Variants in NOVA1 observed in about 807,000 individuals in gnomAD.
NOVA1 encodes the protein RNA-binding protein Nova-1.
NOVA1 carries 7 observed loss-of-function variants against 38.0 expected under a neutral mutation model. The observed-to-expected ratio is 0.18, with a 90% confidence interval of 0.10 to 0.35. The LOEUF (loss-of-function observed/expected upper bound fraction) is 0.35, where lower values mean the gene tolerates loss of function less well. Ranked by LOEUF, NOVA1 falls within the 10% of genes least tolerant of loss-of-function variation. The probability of loss-of-function intolerance (pLI) is 1.00; values close to 1 mark genes in which losing one functional copy is unlikely to be tolerated. For synonymous variants in NOVA1, 270 were observed against 232.5 expected, an observed-to-expected ratio of 1.16 and a Z score of -1.47; for missense variants, 460 against 616.0, an observed-to-expected ratio of 0.75 and a Z score of 2.68.
chr14:26,587,480 T>A (rs60932543), intron 2 of NOVA1, among the ~76,000 whole-genome samples: 39,585 of 150,756 alleles, frequency 0.26, 6,366 homozygotes, highest in African/African-American at 0.44. Flanking sequence ...ATCTGATAAA[T>A]ATGCATAATA....
chr14:26,471,299 A>G (rs193068776), intron 4 of NOVA1, among the ~76,000 whole-genome samples: 1 of 152,146 alleles, frequency 6.6e-6, no homozygotes, highest in East Asian at 1.9e-4. Flanking sequence ...TAGTTCTGAT[A>G]GTCTTATATT....
intron 3 of NOVA1, among the ~76,000 whole-genome samples, chr14:26,474,258 T>C (rs1884805319): frequency 6.6e-6 from 1 of 152,024 alleles, no homozygotes; most frequent in Admixed American, 6.6e-5. Flanking sequence ...TCTATGTGTG[T>C]TGAGCTCTTC....
intron 2 of NOVA1, among the ~76,000 whole-genome samples, chr14:26,523,000 C>A (rs1416776711): frequency 6.6e-6 from 1 of 152,120 alleles, no homozygotes; most frequent in Admixed American, 6.5e-5. Flanking sequence ...TGAAAATATT[C>A]TCATCCGTAG....
rs1417907448 is a variant in NOVA1 at position 26,588,408 on chromosome 14, T to A, written c.280+7002A>T. ...ACACCAAATAATCTTACCTTAATCA[T>A]TTTGCTGTTAAAAACCTCAAGACAT... On this transcript the variant is annotated intron_variant, in intron 2 of 4. Coordinates refer to ENST00000539517, the MANE Select transcript of NOVA1 (RefSeq NM_002515.3). 10 of 151,564 alleles carry A rather than the reference T, an allele frequency of 6.6e-5. No individual in the cohort carries two copies. The East Asian group carries it at 1.9e-3, about 29-fold the overall frequency. The allele number at this position is 151,564 out of a possible 1,614,324, so 9.4% of individuals were successfully genotyped here.
At chr14:26,452,427 T>TA (rs1304893714) in intron 4 of NOVA1, among the ~76,000 whole-genome samples, 1 of 152,152 alleles carries the variant, frequency 6.6e-6, no homozygotes, top group Non-Finnish European at 1.5e-5. Flanking sequence ...GACAACTGAA[T>TA]ACTGGTGGGA....
intron 2 of NOVA1, among the ~76,000 whole-genome samples, chr14:26,557,351 T>C (rs749050719): frequency 1.5e-4 from 23 of 152,084 alleles, no homozygotes; most frequent in Non-Finnish European, 3.4e-4. Context: ...AGGAAATTGC[T>C]GGTGGGAATG....
At chr14:26,597,193 C>A in intron 1 of NOVA1, 108 bp downstream of exon 1, 1 of 749,668 alleles carries the variant, frequency 1.3e-6, no homozygotes, top group Non-Finnish European at 1.8e-6. Flanking sequence ...TGGAGGTGTC[C>A]GGGCCGCGGG....
chr14:26,492,307 T>C (rs1177913684), intron 2 of NOVA1, among the ~76,000 whole-genome samples: 2 of 152,164 alleles, frequency 1.3e-5, no homozygotes, highest in African/African-American at 2.4e-5. Context: ...CATCCGCAAA[T>C]AGAGATAGTG....
At chr14:26,465,695 G>A (rs1418089982) in intron 4 of NOVA1, among the ~76,000 whole-genome samples, 2 of 150,690 alleles carry the variant, frequency 1.3e-5, no homozygotes, top group Non-Finnish European at 3.0e-5. Flanking sequence ...TTCAAATATT[G>A]TAAAAAAAAA....
chr14:26,517,276 T>C (rs1273315541), intron 2 of NOVA1, among the ~76,000 whole-genome samples: 1 of 152,138 alleles, frequency 6.6e-6, no homozygotes, highest in Non-Finnish European at 1.5e-5. Context: ...AGTACCTGGC[T>C]CTTTTTGCTA....
At chr14:26,514,905 GTA>G (rs1888353707) in intron 2 of NOVA1, among the ~76,000 whole-genome samples, 1 of 151,736 alleles carries the variant, frequency 6.6e-6, no homozygotes, top group Admixed American at 6.6e-5. Flanking sequence ...CATCCCAATA[GTA>G]TATTTCTTTC....
intron 1 of NOVA1, chr14:26,596,180 T>C (rs1347784016): frequency 8.5e-6 from 2 of 234,384 alleles, no homozygotes; most frequent in Non-Finnish European, 1.7e-5. Context: ...CTAATCCTAG[T>C]GCATTTCTTT....
intron 2 of NOVA1, among the ~76,000 whole-genome samples, chr14:26,526,225 TATAAGA>T (rs1399842138): frequency 5.3e-5 from 8 of 152,206 alleles, no homozygotes; most frequent in African/African-American, 1.9e-4. Flanking sequence ...AAATGTTAAA[TATAAGA>T]ATATGTTTTT....
intron 1 of NOVA1, chr14:26,596,616 G>T: frequency 7.8e-7 from 1 of 1,289,110 alleles, no homozygotes. Flanking sequence ...TGATTCCAGT[G>T]CAAATGAAGA....
intron 2 of NOVA1, among the ~76,000 whole-genome samples, chr14:26,558,599 C>A (rs1219366881): frequency 6.6e-6 from 1 of 151,970 alleles, no homozygotes; most frequent in Non-Finnish European, 1.5e-5. Context: ...AATTAAAGTG[C>A]AAAAATACTG....
At chr14:26,455,656 C>A (rs1379668779) in intron 4 of NOVA1, among the ~76,000 whole-genome samples, 1 of 151,246 alleles carries the variant, frequency 6.6e-6, no homozygotes, top group Non-Finnish European at 1.5e-5. Context: ...TAAAGATATA[C>A]AACACTATAT....
intron 4 of NOVA1, chr14:26,470,019 T>C (rs1164158680): frequency 4.3e-6 from 1 of 230,730 alleles, no homozygotes; most frequent in East Asian, 1.6e-4. Context: ...TCAAGGTTAA[T>C]AAAGTAAAAT....
At chr14:26,479,370 A>T (rs1885246945) in intron 3 of NOVA1, 2 of 151,976 alleles carry the variant, frequency 1.3e-5, no homozygotes, top group Middle Eastern at 3.2e-3. Flanking sequence ...CCCAAGTAAA[A>T]TTTTTTACAA....
At position 26,447,844 on chromosome 14, in the gene NOVA1, T is replaced by C. The variant is rs916153297; in HGVS notation, c.*115A>G. The C allele has an allele frequency of 4.1e-6, 3 of 727,980 alleles. No individual in the cohort carries two copies. Among genetic ancestry groups the C allele is most frequent in the African/African-American group, 3.6e-5 (2 of 55,732 alleles). The allele number at this position is 727,980 out of a possible 1,614,324, so 45.1% of individuals were successfully genotyped here. The stretch of plus-strand genomic sequence containing the variant: ...CACATTGTCAACATAGTCGCATTCA[T>C]TTGCATAATTATATATTAATAACAG... On this transcript the variant is annotated 3_prime_UTR_variant, in exon 5 of 5. Transcript: ENST00000539517.
Sources: allele counts gnomAD v4.1 joint callset (sites outside exome capture counted in the v4.1 genomes callset), GRCh38; gene constraint gnomAD v4.1.1; transcripts MANE v1.5; gene names NCBI Gene and HGNC (gene_info 2026-07-23, HGNC 2026-07-21).